Variants in PPFIA2 observed in about 807,000 individuals in gnomAD.
The protein encoded by PPFIA2 is liprin-alpha-2.
In PPFIA2, 46 loss-of-function variants were observed where a neutral mutation model predicts 175.5. The observed-to-expected ratio is 0.26, with a 90% CI of 0.21 to 0.34. The LOEUF (loss-of-function observed/expected upper bound fraction) is 0.34. Among genes scored for constraint, PPFIA2 ranks in the 10% least tolerant of loss-of-function variants. PPFIA2 has a pLI of 1.00. For synonymous variants in PPFIA2, 568 were observed against 511.4 expected (o/e 1.11, Z -1.49); for missense variants, 1,179 against 1,506.1 (o/e 0.78, Z 3.60).
intron 4 of PPFIA2, among the ~76,000 whole-genome samples, chr12:81,511,981 G>T (rs954603605): frequency 6.6e-6 from 1 of 151,928 alleles, no homozygotes; most frequent in Non-Finnish European, 1.5e-5. Flanking sequence ...TTCTTGTGCA[G>T]TTTATGTGAC....
At chr12:81,701,267 T>C (rs2076441116) in intron 3 of PPFIA2, among the ~76,000 whole-genome samples, 1 of 152,178 alleles carries the variant, frequency 6.6e-6, no homozygotes, top group Middle Eastern at 3.2e-3. Flanking sequence ...TAACTAAGTG[T>C]AGCTGCTGTA....
chr12:81,571,236 G>A (rs2072486556), intron 4 of PPFIA2, among the ~76,000 whole-genome samples: 1 of 152,060 alleles, frequency 6.6e-6, no homozygotes, highest in South Asian at 2.1e-4. Flanking sequence ...GAATTTAATT[G>A]TGGTGGCCCA....
intron 22 of PPFIA2, among the ~76,000 whole-genome samples, chr12:81,318,927 A>C (rs1053085466): frequency 1.3e-5 from 2 of 151,746 alleles, no homozygotes; most frequent in African/African-American, 4.8e-5. Flanking sequence ...GGACATACTG[A>C]GCAAAAGAAT....
chr12:81,542,355 AG>A (rs1210327482), intron 4 of PPFIA2, among the ~76,000 whole-genome samples: 1 of 152,156 alleles, frequency 6.6e-6, no homozygotes, highest in African/African-American at 2.4e-5. Flanking sequence ...ACCTCACTTT[AG>A]GACTTCTGGC....
chr12:81,480,217 G>T (rs1055577013), intron 4 of PPFIA2, among the ~76,000 whole-genome samples: 1 of 151,824 alleles, frequency 6.6e-6, no homozygotes, highest in Non-Finnish European at 1.5e-5. Flanking sequence ...TGATACTTGT[G>T]TATGCTTCAT....
chr12:81,336,108 C>T (rs574525436), intron 21 of PPFIA2, among the ~76,000 whole-genome samples: 1 of 152,038 alleles, frequency 6.6e-6, no homozygotes. Flanking sequence ...GAACTGTAAA[C>T]CCTAGTAAGA....
intron 4 of PPFIA2, among the ~76,000 whole-genome samples, chr12:81,633,170 A>G (rs2063588174): frequency 6.6e-6 from 1 of 152,076 alleles, no homozygotes; most frequent in Non-Finnish European, 1.5e-5. Context: ...GGCTATTTTT[A>G]TTACAATGTC....
intron 4 of PPFIA2, among the ~76,000 whole-genome samples, chr12:81,489,973 ATC>A (rs1017545189): frequency 1.1e-4 from 17 of 151,788 alleles, no homozygotes; most frequent in Non-Finnish European, 2.2e-4. Context: ...CTATTTTTCT[ATC>A]TCTTTTTCTT....
intron 4 of PPFIA2, among the ~76,000 whole-genome samples, chr12:81,503,057 G>A (rs2060759269): frequency 6.6e-6 from 1 of 151,912 alleles, no homozygotes; most frequent in African/African-American, 2.4e-5. Context: ...TCAAAACCTT[G>A]CATATGGATT....
intron 4 of PPFIA2, among the ~76,000 whole-genome samples, chr12:81,601,226 T>C (rs1373899051): frequency 6.6e-6 from 1 of 152,016 alleles, no homozygotes; most frequent in African/African-American, 2.4e-5. Context: ...TAAATGTTAC[T>C]GAAATTGCCA....
chr12:81,367,080 G>T, intron 14 of PPFIA2, 28 bp downstream of exon 14: 1 of 1,450,090 alleles, frequency 6.9e-7, no homozygotes, highest in Non-Finnish European at 9.1e-7. Context: ...AATAGAAAAT[G>T]GGCCCAAAAC....
At chr12:81,345,384 T>G (rs2058878307) in intron 18 of PPFIA2, among the ~76,000 whole-genome samples, 1 of 152,132 alleles carries the variant, frequency 6.6e-6, no homozygotes, top group African/African-American at 2.4e-5. Flanking sequence ...ATGCCTTTTT[T>G]TTCAGTACTC....
intron 21 of PPFIA2, among the ~76,000 whole-genome samples, chr12:81,327,168 C>G (rs973601622): frequency 7.9e-5 from 12 of 151,898 alleles, no homozygotes; most frequent in African/African-American, 2.9e-4. Context: ...TTTTACTGAA[C>G]TATATAATTT....
At position 81,700,500 on chromosome 12, in the gene PPFIA2, A is replaced by G. The variant is rs559763737; in HGVS notation, c.250-23656T>C. Among the ~76,000 whole-genome samples the G allele has an allele frequency of 1.1e-4, 17 of 152,246 alleles. No homozygotes were observed. In the South Asian group the frequency reaches 1.4e-3, roughly 13 times the overall value. ...TATAAGAATAAAATATGGAACCTGG[A>G]AACCCTCTCTGACCAGAATAGGTTT... On this transcript the variant is annotated intron_variant, in intron 3 of 32. Coordinates refer to ENST00000549396, the MANE Select transcript of PPFIA2 (RefSeq NM_003625.5).
chr12:81,259,345 T>C lies in PPFIA2; in HGVS notation c.*349A>G. 1.9e-6 allele frequency: 1 copy of C among 520,514 alleles called. No homozygotes were observed. Among genetic ancestry groups the C allele is most frequent in the South Asian group, 1.8e-5 (1 of 56,846 alleles). 32.2% of individuals were successfully genotyped at this position (520,514 alleles called of 1,614,324 possible). The stretch of plus-strand genomic sequence containing the variant: ...TAAGACTTACACATTTAAAAAGAAA[T>C]GCACGGTAATACATAAATGCCTAGT... On this transcript the variant is annotated 3_prime_UTR_variant, in exon 33 of 33. Coordinates refer to ENST00000549396, the MANE Select transcript of PPFIA2 (RefSeq NM_003625.5).
chr12:81,542,530 C>T (rs2066379531), intron 4 of PPFIA2, among the ~76,000 whole-genome samples: 1 of 152,088 alleles, frequency 6.6e-6, no homozygotes, highest in African/African-American at 2.4e-5. Context: ...TACTTTGCTC[C>T]ATCTGCTGAG....
intron 11 of PPFIA2, among the ~76,000 whole-genome samples, chr12:81,372,602 A>G (rs971095086): frequency 6.6e-6 from 1 of 151,258 alleles, no homozygotes; most frequent in Admixed American, 6.6e-5. Flanking sequence ...TGAAACCACA[A>G]AACTTGGGAA....
At chr12:81,649,689 T>C (rs1328731206) in intron 4 of PPFIA2, among the ~76,000 whole-genome samples, 1 of 152,196 alleles carries the variant, frequency 6.6e-6, no homozygotes, top group Non-Finnish European at 1.5e-5. Context: ...GGTATATGTA[T>C]ATAACAGAAA....
At chr12:81,442,682 A>G (rs1019101672) in intron 6 of PPFIA2, among the ~76,000 whole-genome samples, 2 of 150,504 alleles carry the variant, frequency 1.3e-5, no homozygotes, top group African/African-American at 4.9e-5. Flanking sequence ...GTGGCTGTAT[A>G]AATAATTGGA....
Sources: gnomAD v4.1 joint callset for allele counts (sites outside exome capture counted in the v4.1 genomes callset) on GRCh38, gnomAD v4.1.1 for gene constraint, MANE v1.5 for transcripts, NCBI Gene and HGNC (gene_info 2026-07-23, HGNC 2026-07-21) for gene names.